The following ATG12 variants were observed in gnomAD, a reference collection of about 807,000 sequenced individuals.
ATG12 encodes the protein autophagy related 12.
In ATG12, 19 loss-of-function variants were observed where a neutral mutation model predicts 17.6. The observed-to-expected ratio is 1.08, with a 90% confidence interval of 0.75 to 1.58. The LOEUF is 1.58. Ranked by LOEUF, ATG12 falls within the 40% of genes most tolerant of loss-of-function variation. The pLI is 0.00. For synonymous variants in ATG12, 75 were observed against 62.4 expected, an observed-to-expected ratio of 1.20 and a Z score of -0.95; for missense variants, 214 against 162.0, an observed-to-expected ratio of 1.32 and a Z score of -1.74.
intron 2 of ATG12, among the ~76,000 whole-genome samples, chr5:115,836,775 T>C (rs1355181672): frequency 1.3e-5 from 2 of 152,210 alleles, no homozygotes; most frequent in African/African-American, 2.4e-5. Context: ...GTCTCATACA[T>C]ATAATTATGT....
At position 115,831,467 on chromosome 5, in the gene ATG12, C is replaced by A; in HGVS notation, c.*337G>T. The A allele has an allele frequency of 6.5e-6, 2 of 309,184 alleles. No individual in the cohort carries two copies. The highest frequency in any genetic ancestry group is 4.8e-5 in the South Asian group (1 of 20,640). 19.2% of individuals were successfully genotyped at this position (309,184 alleles called of 1,614,324 possible). On this transcript the variant is annotated 3_prime_UTR_variant, in exon 4 of 4. Coordinates refer to ENST00000509910, the MANE Select transcript of ATG12 (RefSeq NM_004707.4). ...AGTATATTAACTTTTACCATGAAAACAATTTCAGTCATTTTGAGAACTGAC... is the reference window on the plus strand; with the variant it reads ...AGTATATTAACTTTTACCATGAAAAAAATTTCAGTCATTTTGAGAACTGAC...
At position 115,831,005 on chromosome 5, in the gene ATG12, TCAAA is replaced by T. The variant is rs1760848009; in HGVS notation, c.*795_*798del. 2 of 152,142 alleles carry T rather than the reference TCAAA, an allele frequency of 1.3e-5. No homozygotes were observed. The highest frequency in any genetic ancestry group is 1.3e-4 in the Admixed American group (2 of 15,278). The allele number at this position is 152,142 out of a possible 1,614,324, so 9.4% of individuals were successfully genotyped here. ...AGTTGGAAAATGCATTATGAAACAC[TCAAA>T]AAGATGCTACTGGGTTTACTCATCA... is the stretch of plus-strand genomic sequence containing the variant. On this transcript the variant is annotated 3_prime_UTR_variant, in exon 4 of 4. Coordinates refer to ENST00000509910, the MANE Select transcript of ATG12 (RefSeq NM_004707.4).
chr5:115,833,673 T>TA (rs1388077354), intron 2 of ATG12: 1 of 152,208 alleles, frequency 6.6e-6, no homozygotes, highest in African/African-American at 2.4e-5. Flanking sequence ...ACGTTATTGT[T>TA]AAATTATCTT....
chr5:115,834,065 C>G (rs1760995321), intron 2 of ATG12: 1 of 152,140 alleles, frequency 6.6e-6, no homozygotes. Context: ...CAGAAATGTA[C>G]ACTACTCTAG....
At chr5:115,840,231 C>A (rs1408228235) in intron 1 of ATG12, among the ~76,000 whole-genome samples, 1 of 151,338 alleles carries the variant, frequency 6.6e-6, no homozygotes, top group East Asian at 1.9e-4. Flanking sequence ...GGAAGGGGGG[C>A]AGTCTTGGGA....
chr5:115,836,240 T>C (rs1215534171), intron 2 of ATG12, among the ~76,000 whole-genome samples: 1 of 152,234 alleles, frequency 6.6e-6, no homozygotes, highest in East Asian at 1.9e-4. Context: ...CAACCTACTA[T>C]GTATTGGTAT....
chr5:115,840,594 G>T (rs1169117467), intron 1 of ATG12: 6 of 1,278,500 alleles, frequency 4.7e-6, no homozygotes, highest in Non-Finnish European at 6.1e-6. Flanking sequence ...CACCGCGCCC[G>T]GCCAGAGACC....
intron 2 of ATG12, 35 bp from the exon 3 acceptor site, chr5:115,832,699 TG>T (rs757265908): frequency 6.7e-7 from 1 of 1,486,644 alleles, no homozygotes; most frequent in African/African-American, 1.5e-5. Context: ...AGATGTTTAA[TG>T]GTATCCTGAT....
Position 115,841,470 on chromosome 5 carries a change from T to G in ATG12, c.83A>C (p.Glu28Ala). The G allele has an allele frequency of 6.2e-7, 1 of 1,611,560 alleles. No homozygotes were observed. Among genetic ancestry groups the G allele is most frequent in the Non-Finnish European group, 8.5e-7 (1 of 1,179,382 alleles). Reference sequence around the variant, plus strand: ...AGACGGGGGCTCCGGGGTGGTTGTTTCTGGGGAGACATCCGTAAGTCCTTC... The same window carrying G: ...AGACGGGGGCTCCGGGGTGGTTGTTGCTGGGGAGACATCCGTAAGTCCTTC... ...GGEGLTDVSP[E>A]TTTPEPPSSA... Residue 28 changes from glutamate to alanine, a missense_variant, in exon 1 of 4, where the codon GAA (glutamate) becomes GCA (alanine). Coordinates refer to ENST00000509910, the MANE Select transcript of ATG12 (RefSeq NM_004707.4).
chr5:115,838,348 T>C (rs184572776), intron 1 of ATG12: 1 of 152,350 alleles, frequency 6.6e-6, no homozygotes, highest in Admixed American at 6.5e-5. Context: ...AAAAAGGATA[T>C]TTGGAGGTGA....
intron 1 of ATG12, chr5:115,841,118 A>G: frequency 3.0e-5 from 9 of 295,166 alleles, no homozygotes; most frequent in South Asian, 2.1e-4. Flanking sequence ...TCCTTCAAAG[A>G]GCTCGCAGTC....
intron 2 of ATG12, among the ~76,000 whole-genome samples, chr5:115,836,079 T>C (rs548921268): frequency 5.0e-4 from 76 of 152,326 alleles, no homozygotes; most frequent in South Asian, 3.1e-3. Flanking sequence ...TCAGTTTTAG[T>C]TTAATCTAGG....
intron 1 of ATG12, chr5:115,840,460 T>A: frequency 2.6e-6 from 1 of 379,508 alleles, no homozygotes. Flanking sequence ...ACCACACCCA[T>A]CTAACTTTTA....
chr5:115,830,068 G>C lies in ATG12; in HGVS notation c.*1736C>G, dbSNP rs898168789. On this transcript the variant is annotated 3_prime_UTR_variant, in exon 4 of 4. Coordinates refer to ENST00000509910, the MANE Select transcript of ATG12 (RefSeq NM_004707.4). ...GGAGGTAGAGGTTGCAATGAGCCAA[G>C]ATTGTGCCATTACAGTCCAGCCTGG... The C allele has an allele frequency of 7.1e-6, 1 of 141,136 alleles. No individual in the cohort carries two copies. The highest frequency in any genetic ancestry group is 1.5e-5 in the Non-Finnish European group (1 of 66,512). 8.7% of individuals were successfully genotyped at this position (141,136 alleles called of 1,614,324 possible).
rs1286155608 is a variant in ATG12, at chr5:115,830,788, A to C, written c.*1016T>G. The C allele has an allele frequency of 6.6e-6, 1 of 152,152 alleles. No individual in the cohort carries two copies. The highest frequency in any genetic ancestry group is 1.5e-5 in the Non-Finnish European group (1 of 68,030). 9.4% of individuals were successfully genotyped at this position (152,152 alleles called of 1,614,324 possible). On this transcript the variant is annotated 3_prime_UTR_variant, in exon 4 of 4. Transcript: ENST00000509910. ...CACCTCAGCCTTCCAAAGTGCTGGG[A>C]TTACAGGTGTAAGCCACCATGCCTG...
At chr5:115,835,690 C>G (rs763018674) in intron 2 of ATG12, among the ~76,000 whole-genome samples, 1 of 152,154 alleles carries the variant, frequency 6.6e-6, no homozygotes, top group Non-Finnish European at 1.5e-5. Context: ...TAGTCAGCTT[C>G]TATTCTTAAA....
At chr5:115,832,393 A>G (rs552924686) in intron 3 of ATG12, among the ~76,000 whole-genome samples, 3 of 152,008 alleles carry the variant, frequency 2.0e-5, no homozygotes, top group East Asian at 1.9e-4. Flanking sequence ...TAATTTATTA[A>G]TATCTTTCTA....
chr5:115,838,481 T>G (rs1761196153), intron 1 of ATG12: 1 of 152,222 alleles, frequency 6.6e-6, no homozygotes, highest in African/African-American at 2.4e-5. Context: ...GTATAATATC[T>G]TAAATTCATT....
chr5:115,833,755 T>C (rs1760981917), intron 2 of ATG12: 1 of 152,192 alleles, frequency 6.6e-6, no homozygotes, highest in East Asian at 1.9e-4. Flanking sequence ...ATTTCAGAAC[T>C]GTAACAGAAA....
Sources: gnomAD v4.1 joint callset for allele counts (sites outside exome capture counted in the v4.1 genomes callset) on GRCh38, gnomAD v4.1.1 for gene constraint, MANE v1.5 for transcripts, NCBI Gene and HGNC (gene_info 2026-07-23, HGNC 2026-07-21) for gene names.